Variants in TLN2 observed in about 807,000 individuals in gnomAD.
TLN2 encodes the protein talin-2.
Under a neutral mutation model 294.7 loss-of-function variants are expected in TLN2, and 118 were observed. The ratio of observed to expected loss-of-function variants is 0.40; its 90% confidence interval spans 0.34 to 0.47. The LOEUF is 0.47. TLN2 is among the 20% of genes least tolerant of loss of function. The probability of loss-of-function intolerance (pLI) is 0.84; values close to 1 mark genes in which losing one functional copy is unlikely to be tolerated. For missense variants in TLN2, 3,083 were observed against 3,282.2 expected (o/e 0.94, Z 1.48); for synonymous variants, 1,431 against 1,304.5 (o/e 1.10, Z -2.09).
intron 1 of TLN2, among the ~76,000 whole-genome samples, chr15:62,438,700 C>T (rs989057465): frequency 6.6e-6 from 1 of 152,196 alleles, no homozygotes; most frequent in African/African-American, 2.4e-5. Flanking sequence ...ACCCCTGGAA[C>T]AATGCCTTGT....
intron 19 of TLN2, among the ~76,000 whole-genome samples, chr15:62,706,130 G>A (rs544710739): frequency 6.6e-6 from 1 of 152,354 alleles, no homozygotes; most frequent in South Asian, 2.1e-4. Flanking sequence ...AAAGACTTCT[G>A]ACCGTATTTC....
At chr15:62,551,609 G>T (rs2042317420) in intron 1 of TLN2, among the ~76,000 whole-genome samples, 1 of 152,144 alleles carries the variant, frequency 6.6e-6, no homozygotes, top group Non-Finnish European at 1.5e-5. Flanking sequence ...TAAGGCAGGA[G>T]AATCACTTGA....
intron 1 of TLN2, among the ~76,000 whole-genome samples, chr15:62,515,884 G>T (rs2040165621): frequency 6.6e-6 from 1 of 152,134 alleles, no homozygotes; most frequent in African/African-American, 2.4e-5. Context: ...TGCTGGGCTT[G>T]CCCCATAGCA....
intron 4 of TLN2, among the ~76,000 whole-genome samples, chr15:62,648,540 T>C (rs1220083396): frequency 4.3e-5 from 6 of 139,794 alleles, no homozygotes; most frequent in Admixed American, 7.7e-5. Context: ...ATGATGATGA[T>C]GACGATTTTT....
chr15:62,718,812 C>T (rs2059945210), intron 24 of TLN2, among the ~76,000 whole-genome samples: 1 of 152,148 alleles, frequency 6.6e-6, no homozygotes. Context: ...ATGAGTGAGA[C>T]CTCTCGCCCC....
intron 3 of TLN2, among the ~76,000 whole-genome samples, chr15:62,630,072 A>C (rs1008658511): frequency 3.0e-4 from 45 of 152,162 alleles, no homozygotes; most frequent in African/African-American, 1.0e-3. Flanking sequence ...GAGCTGCCAG[A>C]ATGATCATTA....
intron 1 of TLN2, among the ~76,000 whole-genome samples, chr15:62,473,864 C>T (rs2037630646): frequency 6.6e-6 from 1 of 152,122 alleles, no homozygotes; most frequent in South Asian, 2.1e-4. Context: ...GAGGCCGAGG[C>T]AGGTGGATCA....
At chr15:62,755,888 C>T (rs1419232503) in intron 37 of TLN2, among the ~76,000 whole-genome samples, 195 bp downstream of exon 37, 1 of 152,216 alleles carries the variant, frequency 6.6e-6, no homozygotes, top group Non-Finnish European at 1.5e-5. Flanking sequence ...CAGGCTTGGG[C>T]TCTACTAACC....
intron 1 of TLN2, among the ~76,000 whole-genome samples, chr15:62,586,195 AC>A (rs2045593558): frequency 6.6e-6 from 1 of 152,212 alleles, no homozygotes; most frequent in Non-Finnish European, 1.5e-5. Context: ...GGGGGTCAGA[AC>A]AGAGAGGCCA....
At chr15:62,805,177 T>A (rs1333814504) in intron 50 of TLN2, among the ~76,000 whole-genome samples, 1 of 151,928 alleles carries the variant, frequency 6.6e-6, no homozygotes, top group Non-Finnish European at 1.5e-5. Context: ...GAGTCCTGAG[T>A]GATGGGGCCA....
At chr15:62,400,810 C>CA (rs2032959816) in intron 1 of TLN2, among the ~76,000 whole-genome samples, 1 of 139,568 alleles carries the variant, frequency 7.2e-6, no homozygotes, top group African/African-American at 2.6e-5. Flanking sequence ...GTTATGTTTC[C>CA]GGTTTTTTTT....
chr15:62,749,530 T>C (rs952777401), intron 33 of TLN2, among the ~76,000 whole-genome samples: 1 of 152,218 alleles, frequency 6.6e-6, no homozygotes, highest in Non-Finnish European at 1.5e-5. Flanking sequence ...AGGAGGTTCT[T>C]GAATGAAATG....
intron 46 of TLN2, among the ~76,000 whole-genome samples, chr15:62,795,067 G>T (rs2065371342): frequency 6.6e-6 from 1 of 152,186 alleles, no homozygotes; most frequent in Non-Finnish European, 1.5e-5. Context: ...GTCCCGGGAG[G>T]CAGGGCTGTC....
At chr15:62,489,645 T>A (rs1049693073) in intron 1 of TLN2, among the ~76,000 whole-genome samples, 1 of 152,178 alleles carries the variant, frequency 6.6e-6, no homozygotes, top group South Asian at 2.1e-4. Flanking sequence ...TCCCCTTAGA[T>A]GTGGGTTGGA....
chr15:62,545,918 G>C (rs2041970577), intron 1 of TLN2, among the ~76,000 whole-genome samples: 1 of 152,132 alleles, frequency 6.6e-6, no homozygotes, highest in South Asian at 2.1e-4. Flanking sequence ...TGCCAGAAGA[G>C]GACTTGGCAA....
chr15:62,391,909 G>A (rs1357883281), intron 1 of TLN2, among the ~76,000 whole-genome samples: 1 of 152,258 alleles, frequency 6.6e-6, no homozygotes, highest in Admixed American at 6.5e-5. Flanking sequence ...GCGGCGTCCC[G>A]GGGCTGGGCG....
chr15:62,686,795 T>C lies in TLN2; in HGVS notation c.1112T>C (p.Leu371Pro), dbSNP rs1333376577. 1 of 1,612,870 alleles carries C rather than the reference T, an allele frequency of 6.2e-7. No homozygotes were observed. The highest frequency in any genetic ancestry group is 8.5e-7 in the Non-Finnish European group (1 of 1,179,828). ...RWAASPKSFT[L>P]DFGEYQESYY... ...GCAGCCTCACCCAAGAGCTTCACAC[T>C]GGTAGGGACTGGCAGAGGGCAAGGA... The change falls in exon 12 of 59, where the codon CTG becomes CCG. Residue 371 changes from leucine (L) to proline (P), a missense_variant and splice_region_variant. Transcript: ENST00000636159.
At position 62,748,420 on chromosome 15, in the gene TLN2, C is replaced by G; in HGVS notation, c.4095C>G (p.Cys1365Trp). The change falls in exon 33 of 59, where the codon TGC (cysteine) becomes TGG (tryptophan). Residue 1365 changes from cysteine to tryptophan, a missense_variant. Coordinates refer to ENST00000636159, the MANE Select transcript of TLN2 (RefSeq NM_015059.3). The part of the protein sequence containing the change: ...CTQQAPGQKE[C>W]DNALRELETV... ...AACAAGCTCCGGGCCAGAAAGAGTG[C>G]GATAATGCCCTGCGGGAGCTCGAGG... 1 of 1,613,710 alleles carries G rather than the reference C, an allele frequency of 6.2e-7. No individual in the cohort carries two copies. The highest frequency in any genetic ancestry group is 8.5e-7 in the Non-Finnish European group (1 of 1,179,966).
At chr15:62,690,432 T>C (rs199725324) in intron 12 of TLN2, 3 of 166,618 alleles carry the variant, frequency 1.8e-5, no homozygotes, top group Non-Finnish European at 1.2e-5. Context: ...CAGAGACGCT[T>C]CTCACTTCCT....
Sources: allele counts gnomAD v4.1 joint callset (sites outside exome capture counted in the v4.1 genomes callset), GRCh38; gene constraint gnomAD v4.1.1; transcripts MANE v1.5; gene names NCBI Gene and HGNC (gene_info 2026-07-23, HGNC 2026-07-21).